CEP70: variants seen among roughly 807,000 people sequenced by gnomAD.
CEP70 encodes the protein centrosomal protein of 70 kDa.
Under a neutral mutation model 90.9 loss-of-function variants are expected in CEP70, and 70 were observed. That is an observed-to-expected ratio of 0.77 (90% CI 0.64 to 0.94). The LOEUF (loss-of-function observed/expected upper bound fraction) is 0.94, where lower values mean the gene tolerates loss of function less well. Ranked by LOEUF, CEP70 falls within the 40% of genes least tolerant of loss-of-function variation. The pLI is 0.00. For synonymous variants in CEP70, 220 were observed against 228.3 expected, an observed-to-expected ratio of 0.96 and a Z score of 0.33; for missense variants, 648 against 669.0, an observed-to-expected ratio of 0.97 and a Z score of 0.35.
intron 11 of CEP70, among the ~76,000 whole-genome samples, chr3:138,524,899 C>A (rs1465850921): frequency 1.3e-5 from 2 of 152,218 alleles, no homozygotes; most frequent in Non-Finnish European, 2.9e-5. Context: ...TTTGACCCAG[C>A]CATCCCATTA....
intron 2 of CEP70, among the ~76,000 whole-genome samples, chr3:138,585,616 A>C (rs1290975539): frequency 6.6e-6 from 1 of 152,208 alleles, no homozygotes; most frequent in Non-Finnish European, 1.5e-5. Context: ...AACTGGAGGA[A>C]TCACATTAAC....
Position 138,505,387 on chromosome 3 carries a change from G to C in CEP70, c.1129C>G (p.Gln377Glu). 6.2e-7 allele frequency: 1 copy of C among 1,611,778 alleles called. No individual in the cohort carries two copies. Among genetic ancestry groups the C allele is most frequent in the East Asian group, 2.2e-5 (1 of 44,728 alleles). Reference protein sequence around the residue: ...IIYKQTKGGVQNFNKDLVQDC... With the variant: ...IIYKQTKGGVENFNKDLVQDC... Reference sequence around the variant, plus strand: ...TGAACAAGATCTTTATTAAAATTTTGGACTCCCCCTTTGGTCTGTTTATAA... The same window carrying C: ...TGAACAAGATCTTTATTAAAATTTTCGACTCCCCCTTTGGTCTGTTTATAA... Residue 377 changes from glutamine to glutamate, a missense_variant, in exon 13 of 18, where the codon CAA becomes GAA. Physicochemically the swap from Gln to Glu is conservative, Grantham distance 29. Coordinates refer to ENST00000264982, the MANE Select transcript of CEP70 (RefSeq NM_024491.4).
At chr3:138,554,319 A>G (rs1324047814) in intron 6 of CEP70, among the ~76,000 whole-genome samples, 2 of 152,144 alleles carry the variant, frequency 1.3e-5, no homozygotes, top group African/African-American at 2.4e-5. Flanking sequence ...CCAACATAAT[A>G]CTGGAAAAGT....
chr3:138,527,916 G>A (rs1285922680), intron 10 of CEP70, among the ~76,000 whole-genome samples: 3 of 151,060 alleles, frequency 2.0e-5, no homozygotes, highest in Non-Finnish European at 2.9e-5. Context: ...CTGTTTCATA[G>A]GTGTATACAC....
intron 8 of CEP70, chr3:138,530,748 T>C: frequency 1.0e-6 from 1 of 985,436 alleles, no homozygotes; most frequent in South Asian, 4.7e-5. Flanking sequence ...GTAATACTTG[T>C]CAATGAATTG....
At chr3:138,528,448 G>T (rs1244919733) in intron 10 of CEP70, among the ~76,000 whole-genome samples, 2 of 152,138 alleles carry the variant, frequency 1.3e-5, no homozygotes, top group Non-Finnish European at 2.9e-5. Flanking sequence ...GTTATCACGG[G>T]AAAGAACTGA....
At chr3:138,574,343 C>T (rs1159198190) in intron 2 of CEP70, among the ~76,000 whole-genome samples, 3 of 152,228 alleles carry the variant, frequency 2.0e-5, no homozygotes, top group South Asian at 4.1e-4. Context: ...TCACTGCTAG[C>T]GCAGCAGTCC....
At chr3:138,539,731 G>A (rs906101686) in intron 6 of CEP70, among the ~76,000 whole-genome samples, 3 of 152,248 alleles carry the variant, frequency 2.0e-5, no homozygotes, top group African/African-American at 7.2e-5. Context: ...GAAAGAGCAA[G>A]GGGTAGAAAA....
At position 138,518,359 on chromosome 3, in the gene CEP70, G is replaced by C. The variant is rs546448336; in HGVS notation, c.944+7131C>G. Among the ~76,000 whole-genome samples, 8 of 152,338 alleles carry C rather than the reference G, an allele frequency of 5.3e-5. No homozygotes were observed. The East Asian group carries it at 5.8e-4, about 11-fold the overall frequency. ...GTGGTTCTCCCAGCTCGCAGCTGGA[G>C]ATCTGAGAACTGGCAGACTGCCTCC... On this transcript the variant is annotated intron_variant, in intron 11 of 17. Coordinates refer to ENST00000264982, the MANE Select transcript of CEP70 (RefSeq NM_024491.4).
In CEP70 at chr3:138,540,078, C is replaced by T. The variant is rs191820875; in HGVS notation, c.466-2731G>A. Among the ~76,000 whole-genome samples, 25 of 152,250 alleles carry T rather than the reference C, an allele frequency of 1.6e-4. No individual in the cohort carries two copies. The East Asian group carries it at 2.1e-3, about 13-fold the overall frequency. On this transcript the variant is annotated intron_variant, in intron 6 of 17. Coordinates refer to ENST00000264982, the MANE Select transcript of CEP70 (RefSeq NM_024491.4). ...AACTATGCATCCGACAAAGGTCTAA[C>T]GGCCAGCATCTATAAGGAACTAAAT...
intron 6 of CEP70, among the ~76,000 whole-genome samples, chr3:138,544,987 A>ATAT (rs2039075611): frequency 6.6e-6 from 1 of 152,250 alleles, no homozygotes. Context: ...AAGATGTAGT[A>ATAT]TATGATAGCA....
chr3:138,565,592 G>C (rs2040725834), intron 6 of CEP70, among the ~76,000 whole-genome samples: 1 of 152,148 alleles, frequency 6.6e-6, no homozygotes, highest in Non-Finnish European at 1.5e-5. Context: ...ATGGGGAAAG[G>C]ATTCCCTATT....
rs1576752874 is a variant in CEP70, at chr3:138,544,346, T to C, written c.466-6999A>G. Among the ~76,000 whole-genome samples the C allele has an allele frequency of 2.4e-5, 3 of 124,976 alleles. No individual in the cohort carries two copies. In the South Asian group the frequency reaches 7.5e-4, roughly 31 times the overall value. The allele number at this position is 124,976 out of a possible 152,430, so 82.0% of individuals were successfully genotyped here. Reference sequence around the variant, plus strand: ...ATCTCACTCCAGTTAGAATGGCTATTACTCAAAAGACAAAAAAAAAAAAAG... The same window carrying C: ...ATCTCACTCCAGTTAGAATGGCTATCACTCAAAAGACAAAAAAAAAAAAAG... On this transcript the variant is annotated intron_variant, in intron 6 of 17. Transcript: ENST00000264982.
At chr3:138,531,350 C>G (rs1384560499) in intron 8 of CEP70, among the ~76,000 whole-genome samples, 1 of 152,114 alleles carries the variant, frequency 6.6e-6, no homozygotes, top group African/African-American at 2.4e-5. Flanking sequence ...ATCTTTTCTA[C>G]TCTTACTAAA....
At chr3:138,572,258 C>T (rs528027765) in intron 3 of CEP70, among the ~76,000 whole-genome samples, 3 of 152,314 alleles carry the variant, frequency 2.0e-5, no homozygotes, top group Admixed American at 1.3e-4. Context: ...CAAAGTCAAA[C>T]AAGTCTTTCT....
intron 6 of CEP70, among the ~76,000 whole-genome samples, chr3:138,553,217 C>T (rs772688636): frequency 1.5e-4 from 23 of 152,014 alleles, no homozygotes; most frequent in African/African-American, 4.6e-4. Context: ...CGATGGCTCA[C>T]GCCTGTAATC....
At chr3:138,555,027 T>A (rs2039897697) in intron 6 of CEP70, among the ~76,000 whole-genome samples, 1 of 152,052 alleles carries the variant, frequency 6.6e-6, no homozygotes, top group Non-Finnish European at 1.5e-5. Context: ...GGCGGGTAGA[T>A]CATCTGAGGT....
At chr3:138,567,374 G>C (rs1306620485) in intron 6 of CEP70, among the ~76,000 whole-genome samples, 1 of 152,186 alleles carries the variant, frequency 6.6e-6, no homozygotes, top group Non-Finnish European at 1.5e-5. Context: ...AGAAAGCAAA[G>C]ATTGATTAGT....
intron 3 of CEP70, among the ~76,000 whole-genome samples, chr3:138,572,448 T>C (rs1311138212): frequency 1.3e-5 from 2 of 152,222 alleles, no homozygotes; most frequent in Admixed American, 6.5e-5. Flanking sequence ...GAACTTCTAC[T>C]GTAACTCATA....
Sources: gnomAD v4.1 joint callset for allele counts (sites outside exome capture counted in the v4.1 genomes callset) on GRCh38, gnomAD v4.1.1 for gene constraint, MANE v1.5 for transcripts, NCBI Gene and HGNC (gene_info 2026-07-23, HGNC 2026-07-21) for gene names.